MIPEP: variants seen among roughly 807,000 people sequenced by gnomAD.
The protein encoded by MIPEP is mitochondrial intermediate peptidase.
In MIPEP, 79 loss-of-function variants were observed where a neutral mutation model predicts 90.3. That is an observed-to-expected ratio of 0.87 (90% CI 0.73 to 1.05). The LOEUF is 1.05. Ranked by LOEUF, MIPEP falls within the 50% of genes least tolerant of loss-of-function variation. The pLI, the probability that MIPEP is intolerant of heterozygous loss-of-function variation, is 0.00. For missense variants in MIPEP, 940 were observed against 905.6 expected, an observed-to-expected ratio of 1.04 and a Z score of -0.49; for synonymous variants, 334 against 315.8, an observed-to-expected ratio of 1.06 and a Z score of -0.61.
At chr13:23,773,647 A>C (rs898388406) in intron 16 of MIPEP, among the ~76,000 whole-genome samples, 1 of 152,152 alleles carries the variant, frequency 6.6e-6, no homozygotes, top group African/African-American at 2.4e-5. Flanking sequence ...TCTTTTTATT[A>C]TATCCATCCC....
chr13:23,885,276 G>T (rs1196450266), intron 2 of MIPEP, among the ~76,000 whole-genome samples: 1 of 152,192 alleles, frequency 6.6e-6, no homozygotes, highest in Admixed American at 6.5e-5. Flanking sequence ...AGAGTAGAAG[G>T]ATGGTTACCA....
At chr13:23,831,864 A>G (rs963227030) in intron 14 of MIPEP, among the ~76,000 whole-genome samples, 6 of 152,192 alleles carry the variant, frequency 3.9e-5, no homozygotes, top group African/African-American at 9.7e-5. Context: ...ATTAGACTGC[A>G]CGGTGAAGGT....
In MIPEP at chr13:23,841,440, T is replaced by A. The variant is rs976660487; in HGVS notation, c.1155A>T (p.Ala385=). The A allele has an allele frequency of 2.5e-6, 4 of 1,613,996 alleles. No homozygotes were observed. The African/African-American group carries it at 4.0e-5, about 16-fold the overall frequency. ...GCAAAATATTCAGGCCTTCCATGCATGCTCCAAGAGAGAAAAACGGGCAAT... is the reference window on the plus strand; with the variant it reads ...GCAAAATATTCAGGCCTTCCATGCAAGCTCCAAGAGAGAAAAACGGGCAAT... ...SLYCPFFSLG[A]CMEGLNILLN... The change falls in exon 11 of 19, where the codon GCA becomes GCT. Residue 385 remains alanine (A), a synonymous_variant. Coordinates refer to ENST00000382172, the MANE Select transcript of MIPEP (RefSeq NM_005932.4).
intron 18 of MIPEP, among the ~76,000 whole-genome samples, chr13:23,750,291 C>A (rs1174698095): frequency 2.0e-5 from 3 of 152,156 alleles, no homozygotes; most frequent in African/African-American, 7.2e-5. Context: ...CTGGTACGAT[C>A]AAAACTAGCT....
At chr13:23,827,584 T>C (rs1036804167) in intron 14 of MIPEP, among the ~76,000 whole-genome samples, 1 of 152,216 alleles carries the variant, frequency 6.6e-6, no homozygotes, top group African/African-American at 2.4e-5. Flanking sequence ...AAATAGTATA[T>C]ATTTAAGTGA....
intron 15 of MIPEP, 51 bp downstream of exon 15, chr13:23,809,799 T>A (rs1164431455): frequency 9.1e-7 from 1 of 1,093,422 alleles, no homozygotes; most frequent in East Asian, 2.4e-5. Context: ...AGTTATATAT[T>A]TATTTGGGAT....
At chr13:23,846,220 G>C (rs1255585900) in intron 10 of MIPEP, among the ~76,000 whole-genome samples, 1 of 152,160 alleles carries the variant, frequency 6.6e-6, no homozygotes, top group Non-Finnish European at 1.5e-5. Flanking sequence ...CTAGGCACCA[G>C]AGAGGAGAAG....
At chr13:23,855,172 ATAATT>A (rs1268718528) in intron 10 of MIPEP, among the ~76,000 whole-genome samples, 2 of 152,210 alleles carry the variant, frequency 1.3e-5, no homozygotes, top group Non-Finnish European at 2.9e-5. Context: ...TTCAAATAAA[ATAATT>A]TATTTTTGTA....
rs550633410 is a variant in MIPEP at position 23,771,833 on chromosome 13, C to G, written c.1849-11616G>C. ...CCTTGGTTTGAATAATTGCTGCTCC[C>G]CAAACTTATTTTCTCATTTTAATGG... On this transcript the variant is annotated intron_variant, in intron 16 of 18. Transcript: ENST00000382172. Among the ~76,000 whole-genome samples the G allele has an allele frequency of 5.3e-5, 8 of 152,218 alleles. No individual in the cohort carries two copies. In the South Asian group the frequency reaches 1.7e-3, roughly 32 times the overall value.
chr13:23,834,572 T>C (rs1273958876), intron 14 of MIPEP, among the ~76,000 whole-genome samples: 1 of 152,216 alleles, frequency 6.6e-6, no homozygotes, highest in African/African-American at 2.4e-5. Flanking sequence ...TCAGCAAGTG[T>C]TTTCTGACTG....
Position 23,864,171 on chromosome 13 carries a change from A to G in MIPEP, c.962T>C (p.Leu321Pro). 1 of 1,566,446 alleles carries G rather than the reference A, an allele frequency of 6.4e-7. No individual in the cohort carries two copies. Reference protein sequence around the residue: ...AKNPETVMQFLEKLSDKLSER... With the variant: ...AKNPETVMQFPEKLSDKLSER... The stretch of plus-strand genomic sequence containing the variant: ...AGAAAGTTTGTCAGATAGTTTTTCA[A>G]GGAACTGCATGACAGTCTCTAAAAC... Residue 321 changes from leucine to proline, a missense_variant, in exon 8 of 19, where the codon CTT (leucine) becomes CCT (proline). Physicochemically the swap from Leu to Pro is moderately conservative, Grantham distance 98 (BLOSUM62 -3). Coordinates refer to ENST00000382172, the MANE Select transcript of MIPEP (RefSeq NM_005932.4).
At chr13:23,811,782 G>A (rs1953174034) in intron 14 of MIPEP, among the ~76,000 whole-genome samples, 1 of 152,276 alleles carries the variant, frequency 6.6e-6, no homozygotes, top group African/African-American at 2.4e-5. Context: ...AACAGACTCA[G>A]CTGTGCAGTT....
At chr13:23,760,704 C>T in intron 16 of MIPEP, 1 of 434,416 alleles carries the variant, frequency 2.3e-6, no homozygotes. Context: ...CACATAGTCT[C>T]TGGCATTTTG....
intron 18 of MIPEP, among the ~76,000 whole-genome samples, chr13:23,746,089 A>T (rs1952380150): frequency 7.0e-6 from 1 of 143,268 alleles, no homozygotes; most frequent in Non-Finnish European, 1.5e-5. Flanking sequence ...ATCTTGGCTC[A>T]CTGCAACATC....
At chr13:23,777,512 A>C (rs1221243145) in intron 16 of MIPEP, among the ~76,000 whole-genome samples, 1 of 152,228 alleles carries the variant, frequency 6.6e-6, no homozygotes, top group East Asian at 1.9e-4. Context: ...GTATTGTACC[A>C]CAGTTAATTT....
intron 16 of MIPEP, among the ~76,000 whole-genome samples, chr13:23,777,025 G>A (rs1287188602): frequency 6.6e-6 from 1 of 152,138 alleles, no homozygotes; most frequent in Non-Finnish European, 1.5e-5. Context: ...AAACGCCAGT[G>A]AGTAAACAGT....
Position 23,757,781 on chromosome 13 carries a change from G to T in MIPEP, c.1971-1163C>A, listed in dbSNP as rs190447388. 8.4e-3 allele frequency among the ~76,000 whole-genome samples: 1,281 copies of T among 152,322 alleles called. 23 individuals are homozygous for T. Among genetic ancestry groups the T allele is most frequent in the Non-Finnish European group, 7.2e-3 (487 of 68,032 alleles). On this transcript the variant is annotated intron_variant, in intron 17 of 18. Transcript: ENST00000382172. ...CAAGGAACGCTGTTAATGACAATAT[G>T]TGAAGGCAGGTTTGGAATAATTTTT...
At chr13:23,737,220 G>A (rs1952275653) in intron 18 of MIPEP, among the ~76,000 whole-genome samples, 1 of 152,216 alleles carries the variant, frequency 6.6e-6, no homozygotes, top group South Asian at 2.1e-4. Flanking sequence ...TCGTCTCACA[G>A]GGCCGTAGTC....
intron 18 of MIPEP, among the ~76,000 whole-genome samples, chr13:23,755,812 A>G (rs765954680): frequency 1.3e-5 from 2 of 152,204 alleles, no homozygotes; most frequent in Non-Finnish European, 2.9e-5. Flanking sequence ...CTAATTTTTC[A>G]ACAGGTAAAA....
Sources: allele counts gnomAD v4.1 joint callset (sites outside exome capture counted in the v4.1 genomes callset), GRCh38; gene constraint gnomAD v4.1.1; transcripts MANE v1.5; gene names NCBI Gene and HGNC (gene_info 2026-07-23, HGNC 2026-07-21).